The following SEMA3B variants were observed in gnomAD, a reference collection of about 807,000 sequenced individuals.
SEMA3B encodes semaphorin 3B, also known as semaphorin-3B.
Under a neutral mutation model 77.8 loss-of-function variants are expected in SEMA3B, and 71 were observed. That is an observed-to-expected ratio of 0.91 (90% CI 0.75 to 1.11). The LOEUF (loss-of-function observed/expected upper bound fraction) is 1.11, where lower values mean the gene tolerates loss of function less well. Ranked by LOEUF, SEMA3B falls within the 50% of genes most tolerant of loss-of-function variation. The pLI is 0.00. For synonymous variants in SEMA3B, 470 were observed against 452.9 expected (o/e 1.04, Z -0.48); for missense variants, 968 against 1,056.8 (o/e 0.92, Z 1.17).
chr3:50,274,148 C>T lies in SEMA3B; in HGVS notation c.1137+91C>T. Reference sequence around the variant, plus strand: ...GGGGTCTTCTTGGTGAATGTGGTTTCTTCCTTTAGTTATGGGTGGGAAAAC... The same window carrying T: ...GGGGTCTTCTTGGTGAATGTGGTTTTTTCCTTTAGTTATGGGTGGGAAAAC... On this transcript the variant is annotated intron_variant, in intron 10 of 16. Transcript: ENST00000616701. This position sits in a 1 kb window ranked among gnomAD's most constrained non-coding sequence, Gnocchi z 4.7. 5.8e-6 allele frequency: 9 copies of T among 1,551,310 alleles called. No individual in the cohort carries two copies. The highest frequency in any genetic ancestry group is 7.8e-6 in the Non-Finnish European group (9 of 1,150,080).
chr3:50,271,334 C>G, intron 5 of SEMA3B, 27 bp from the exon 6 acceptor site: 5 of 1,557,082 alleles, frequency 3.2e-6, no homozygotes, highest in Non-Finnish European at 4.3e-6. Context: ...CCTCCATTTG[C>G]CTGAGTGGCC....
Position 50,273,154 on chromosome 3 carries a change from C to A in SEMA3B, c.665-144C>A. ...GGATTCGGTCCGCGCAGAGCGCCAA[C>A]TGGACATGGTGCTAGAGGTTGGGTG... On this transcript the variant is annotated intron_variant, in intron 6 of 16. Coordinates refer to ENST00000616701, the MANE Select transcript of SEMA3B (RefSeq NM_001290060.2). The surrounding 1 kb of genome is among the most constrained non-coding windows in gnomAD (Gnocchi z 6.5). 1 of 1,277,962 alleles carries A rather than the reference C, an allele frequency of 7.8e-7. No homozygotes were observed. Among genetic ancestry groups the A allele is most frequent in the Non-Finnish European group, 1.1e-6 (1 of 941,512 alleles). The allele number at this position is 1,277,962 out of a possible 1,614,324, so 79.2% of individuals were successfully genotyped here. A position where few individuals can be genotyped will look rare whatever the true frequency, so the allele number is the denominator to read the frequency against.
At position 50,273,470 on chromosome 3, in the gene SEMA3B, C is replaced by T. The variant is rs1553705781; in HGVS notation, c.810+27C>T. 6.2e-7 allele frequency: 1 copy of T among 1,610,266 alleles called. No individual in the cohort carries two copies. The highest frequency in any genetic ancestry group is 1.1e-5 in the South Asian group (1 of 90,878). On this transcript the variant is annotated intron_variant, in intron 7 of 16. Transcript: ENST00000616701. The surrounding 1 kb of genome is among the most constrained non-coding windows in gnomAD (Gnocchi z 6.5). ...TGAGGAGTCCCTGGGCCACACCCGG[C>T]GACCCTGCCCCTACCCCTTTGCCTG...
rs55689339 is a variant in SEMA3B at position 50,270,609 on chromosome 3, C to A, written c.330+114C>A. ...CTGGCTGGGATGAGGGCAGGGAGGTCGAGGTGGCTGAGGTCTGGGGGTGGT... is the reference window on the plus strand; with the variant it reads ...CTGGCTGGGATGAGGGCAGGGAGGTAGAGGTGGCTGAGGTCTGGGGGTGGT... On this transcript the variant is annotated intron_variant, in intron 3 of 16. Coordinates refer to ENST00000616701, the MANE Select transcript of SEMA3B (RefSeq NM_001290060.2). This position sits in a 1 kb window ranked among gnomAD's most constrained non-coding sequence, Gnocchi z 4.7. 3 of 1,450,056 alleles carry A rather than the reference C, an allele frequency of 2.1e-6. No homozygotes were observed. The highest frequency in any genetic ancestry group is 2.8e-6 in the Non-Finnish European group (3 of 1,058,716). 89.8% of individuals were successfully genotyped at this position (1,450,056 alleles called of 1,614,324 possible). A position where few individuals can be genotyped will look rare whatever the true frequency, so the allele number is the denominator to read the frequency against.
rs1163616077 is a variant in SEMA3B, at chr3:50,276,767, G to C, written c.*61G>C. On this transcript the variant is annotated 3_prime_UTR_variant, in exon 17 of 17. Coordinates refer to ENST00000616701, the MANE Select transcript of SEMA3B (RefSeq NM_001290060.2). This position sits in a 1 kb window ranked among gnomAD's most constrained non-coding sequence, Gnocchi z 5.8. ...CGACAGGCGAGAGAGGAGCCAGACA[G>C]ACCCTGAAAAGAAGGACGGGTTGGG... The C allele has an allele frequency of 7.1e-7, 1 of 1,416,860 alleles. No homozygotes were observed. The highest frequency in any genetic ancestry group is 1.5e-5 in the African/African-American group (1 of 66,522). 87.8% of individuals were successfully genotyped at this position (1,416,860 alleles called of 1,614,324 possible). A position where few individuals can be genotyped will look rare whatever the true frequency, so the allele number is the denominator to read the frequency against.
Position 50,274,183 on chromosome 3 carries a change from A to G in SEMA3B, c.1137+126A>G. ...TTATGGGTGGGAAAACGTTTCCATC[A>G]TAAGACAAGGCTTGTTTCCCGCCTC... On this transcript the variant is annotated intron_variant, in intron 10 of 16. Coordinates refer to ENST00000616701, the MANE Select transcript of SEMA3B (RefSeq NM_001290060.2). The surrounding 1 kb of genome is among the most constrained non-coding windows in gnomAD (Gnocchi z 4.7). 3 of 1,462,098 alleles carry G rather than the reference A, an allele frequency of 2.1e-6. No homozygotes were observed. Among genetic ancestry groups the G allele is most frequent in the Non-Finnish European group, 2.8e-6 (3 of 1,077,848 alleles). 90.6% of individuals were successfully genotyped at this position (1,462,098 alleles called of 1,614,324 possible).
At position 50,269,350 on chromosome 3, in the gene SEMA3B, G is replaced by C. The variant is rs1700983029; in HGVS notation, c.109+1G>C. 1.3e-6 allele frequency: 2 copies of C among 1,483,494 alleles called. No homozygotes were observed. Among genetic ancestry groups the C allele is most frequent in the Non-Finnish European group, 1.8e-6 (2 of 1,115,666 alleles). 91.9% of individuals were successfully genotyped at this position (1,483,494 alleles called of 1,614,324 possible). A position where few individuals can be genotyped will look rare whatever the true frequency, so the allele number is the denominator to read the frequency against. On this transcript the variant is annotated splice_donor_variant, in intron 1 of 16. Coordinates refer to ENST00000616701, the MANE Select transcript of SEMA3B (RefSeq NM_001290060.2). LOFTEE classifies it high-confidence loss of function. This position sits in a 1 kb window ranked among gnomAD's most constrained non-coding sequence, Gnocchi z 4.0. The stretch of plus-strand genomic sequence containing the variant: ...CCACGCCTTCGGCTCTCCTTCCAAG[G>C]TAGGTGCACCTGGCAGGCGGGAGGG...
In SEMA3B at chr3:50,275,543, T is replaced by C; in HGVS notation, c.1650-17T>C. 8 of 1,613,578 alleles carry C rather than the reference T, an allele frequency of 5.0e-6. No homozygotes were observed. The highest frequency in any genetic ancestry group is 6.8e-6 in the Non-Finnish European group (8 of 1,179,846). ...GGCTGAAAGAAGGGCTCACAGAAGA[T>C]CGGATGTTCCCCACAGGCGGTTCCG... is the stretch of plus-strand genomic sequence containing the variant. On this transcript the variant is annotated splice_polypyrimidine_tract_variant and intron_variant, in intron 14 of 16. Transcript: ENST00000616701. This position sits in a 1 kb window ranked among gnomAD's most constrained non-coding sequence, Gnocchi z 7.5.
At position 50,270,795 on chromosome 3, in the gene SEMA3B, T is replaced by A; in HGVS notation, c.331-95T>A. 1 of 1,523,950 alleles carries A rather than the reference T, an allele frequency of 6.6e-7. No homozygotes were observed. Among genetic ancestry groups the A allele is most frequent in the Non-Finnish European group, 8.8e-7 (1 of 1,129,960 alleles). The allele number at this position is 1,523,950 out of a possible 1,614,324, so 94.4% of individuals were successfully genotyped here. On this transcript the variant is annotated intron_variant, in intron 3 of 16. Transcript: ENST00000616701. This position sits in a 1 kb window ranked among gnomAD's most constrained non-coding sequence, Gnocchi z 4.7. Reference sequence around the variant, plus strand: ...CCATGTTAGTACTTGCCTGGGCTGATGCCGAAGAGAGGGAGGGGTGAGGAT... The same window carrying A: ...CCATGTTAGTACTTGCCTGGGCTGAAGCCGAAGAGAGGGAGGGGTGAGGAT...
chr3:50,275,709 G>A lies in SEMA3B; in HGVS notation c.1710G>A (p.Ser570=), dbSNP rs782650950. Residue 570 remains serine, a synonymous_variant, in exon 16 of 17, where the codon TCG becomes TCA. Coordinates refer to ENST00000616701, the MANE Select transcript of SEMA3B (RefSeq NM_001290060.2). The surrounding 1 kb of genome is among the most constrained non-coding windows in gnomAD (Gnocchi z 7.5). ...TGACTTTCTTCTCGCCCCAAGACTC[G>A]TCTCGTCCCGCGCTGCTGGAACACA... ...GDPSTLCSGD[S]SRPALLEHKV... 2 of 1,612,316 alleles carry A rather than the reference G, an allele frequency of 1.2e-6. No homozygotes were observed. Among genetic ancestry groups the A allele is most frequent in the South Asian group, 2.2e-5 (2 of 90,966 alleles).
Position 50,270,866 on chromosome 3 carries a change from G to A in SEMA3B, c.331-24G>A. 6.3e-7 allele frequency: 1 copy of A among 1,577,970 alleles called. No homozygotes were observed. The highest frequency in any genetic ancestry group is 8.6e-7 in the Non-Finnish European group (1 of 1,161,466). On this transcript the variant is annotated intron_variant, in intron 3 of 16. Transcript: ENST00000616701. This position sits in a 1 kb window ranked among gnomAD's most constrained non-coding sequence, Gnocchi z 4.7. ...TCTTAAGGCTACGTCCCTGGGGGAAGCCTCACACCTCCAACCCTACTAGAC... is the reference window on the plus strand; with the variant it reads ...TCTTAAGGCTACGTCCCTGGGGGAAACCTCACACCTCCAACCCTACTAGAC...
Position 50,275,726 on chromosome 3 carries a change from T to C in SEMA3B, c.1727T>C (p.Leu576Pro). 4 of 1,612,866 alleles carry C rather than the reference T, an allele frequency of 2.5e-6. No individual in the cohort carries two copies. The highest frequency in any genetic ancestry group is 3.4e-6 in the Non-Finnish European group (4 of 1,179,348). Reference protein sequence around the residue: ...CSGDSSRPALLEHKVFGVEGS... With the variant: ...CSGDSSRPALPEHKVFGVEGS... ...CAAGACTCGTCTCGTCCCGCGCTGC[T>C]GGAACACAAGGTGTTCGGCGTGGAG... The change falls in exon 16 of 17, where the codon CTG (leucine) becomes CCG (proline). Residue 576 changes from leucine to proline, a missense_variant. Physicochemically the swap from Leu to Pro is moderately conservative, Grantham distance 98. Transcript: ENST00000616701. This position sits in a 1 kb window ranked among gnomAD's most constrained non-coding sequence, Gnocchi z 7.5.
chr3:50,266,655 T>C (rs587682087), upstream of SEMA3B: 15 of 152,356 alleles, frequency 9.8e-5, no homozygotes, highest in South Asian at 4.1e-4. Flanking sequence ...CAAGCCCTGG[T>C]ATATTCACTC....
chr3:50,275,494 G>A lies in SEMA3B; in HGVS notation c.1649+35G>A. 2 of 1,608,842 alleles carry A rather than the reference G, an allele frequency of 1.2e-6. No homozygotes were observed. The highest frequency in any genetic ancestry group is 1.7e-6 in the Non-Finnish European group (2 of 1,176,308). On this transcript the variant is annotated intron_variant, in intron 14 of 16. Coordinates refer to ENST00000616701, the MANE Select transcript of SEMA3B (RefSeq NM_001290060.2). This position sits in a 1 kb window ranked among gnomAD's most constrained non-coding sequence, Gnocchi z 7.5. ...GTCGGGGTTGGGCCGCCGGGAGGGA[G>A]GCGAAGGGTCTTTCACTGCCCGGGG...
In SEMA3B at chr3:50,269,693, T is replaced by TG. The variant is rs1553705033; in HGVS notation, c.109+346dup. Among the ~76,000 whole-genome samples the TG allele has an allele frequency of 6.6e-6, 1 of 151,976 alleles. No homozygotes were observed. Among genetic ancestry groups the TG allele is most frequent in the African/African-American group, 2.4e-5 (1 of 41,394 alleles). On this transcript the variant is annotated intron_variant, in intron 1 of 16. Transcript: ENST00000616701. This position sits in a 1 kb window ranked among gnomAD's most constrained non-coding sequence, Gnocchi z 4.0. ...TTCTCATGCCTCCTGTATAGGAGGG[T>TG]GGCCCCTGGGCAGTGGCAGTGAATA... is the stretch of plus-strand genomic sequence containing the variant.
At position 50,276,700 on chromosome 3, in the gene SEMA3B, C is replaced by G; in HGVS notation, c.2244C>G (p.His748Gln). The change falls in exon 17 of 17, where the codon CAC (histidine) becomes CAG (glutamine). Residue 748 changes from histidine to glutamine, a missense_variant. Coordinates refer to ENST00000616701, the MANE Select transcript of SEMA3B (RefSeq NM_001290060.2). This position sits in a 1 kb window ranked among gnomAD's most constrained non-coding sequence, Gnocchi z 5.8. Reference sequence around the variant, plus strand: ...AGCGGGGGCCGCGCAGCGCAACGCACTGGTGACCAGACTGTCCCCACGCCG... The same window carrying G: ...AGCGGGGGCCGCGCAGCGCAACGCAGTGGTGACCAGACTGTCCCCACGCCG... ...RAERGPRSAT[H>Q]W The G allele has an allele frequency of 2.0e-6, 3 of 1,524,764 alleles. No individual in the cohort carries two copies. The highest frequency in any genetic ancestry group is 2.6e-6 in the Non-Finnish European group (3 of 1,143,882). 94.5% of individuals were successfully genotyped at this position (1,524,764 alleles called of 1,614,324 possible).
At chr3:50,272,672 C>T (rs1411074571) in intron 6 of SEMA3B, among the ~76,000 whole-genome samples, 4 of 150,356 alleles carry the variant, frequency 2.7e-5, no homozygotes, top group African/African-American at 9.8e-5. Context: ...GACTGTGCCA[C>T]TGCATTCCAG....
intron 6 of SEMA3B, among the ~76,000 whole-genome samples, chr3:50,271,755 G>C (rs1701061390): frequency 6.6e-6 from 1 of 152,190 alleles, no homozygotes; most frequent in Admixed American, 6.5e-5. Flanking sequence ...GGCTGGAGGG[G>C]GTTGGGTAAA....
Position 50,270,337 on chromosome 3 carries a change from C to T in SEMA3B, c.267+53C>T. The T allele has an allele frequency of 6.2e-7, 1 of 1,608,942 alleles. No individual in the cohort carries two copies. The highest frequency in any genetic ancestry group is 8.5e-7 in the Non-Finnish European group (1 of 1,176,176). ...CCCCAGGGAAGGAGCCCTGGGACCCCACTCCAGCCTGGAGAGACCCAGAGG... is the reference window on the plus strand; with the variant it reads ...CCCCAGGGAAGGAGCCCTGGGACCCTACTCCAGCCTGGAGAGACCCAGAGG... On this transcript the variant is annotated intron_variant, in intron 2 of 16. Coordinates refer to ENST00000616701, the MANE Select transcript of SEMA3B (RefSeq NM_001290060.2). This position sits in a 1 kb window ranked among gnomAD's most constrained non-coding sequence, Gnocchi z 4.7.
Sources: gnomAD v4.1 joint callset for allele counts (sites outside exome capture counted in the v4.1 genomes callset) on GRCh38, gnomAD v4.1.1 for gene constraint, Gnocchi (gnomAD v3.1) non-coding constraint, MANE v1.5 for transcripts, NCBI Gene and HGNC (gene_info 2026-07-23, HGNC 2026-07-21) for gene names.